ZNF106: variants seen among roughly 807,000 people sequenced by gnomAD.
ZNF106 encodes the protein SH3-domain binding protein 3.
ZNF106 carries 67 observed loss-of-function variants against 195.1 expected under a neutral mutation model. That is an observed-to-expected ratio of 0.34 (90% CI 0.28 to 0.42). ZNF106 has a LOEUF of 0.42. Among genes scored for constraint, ZNF106 ranks in the 10% least tolerant of loss-of-function variants. The pLI, the probability that ZNF106 is intolerant of heterozygous loss-of-function variation, is 1.00. For synonymous variants in ZNF106, 784 were observed against 818.6 expected (o/e 0.96, Z 0.72); for missense variants, 2,118 against 2,304.5 (o/e 0.92, Z 1.66).
chr15:42,454,756 C>T (rs28548127), intron 4 of ZNF106, among the ~76,000 whole-genome samples: 2,598 of 151,420 alleles, frequency 0.017, 31 homozygotes, highest in Middle Eastern at 0.034. Context: ...ATTAGCCACG[C>T]ATGGTGGCGA....
chr15:42,438,565 G>T, intron 12 of ZNF106, 47 bp downstream of exon 12: 1 of 1,521,880 alleles, frequency 6.6e-7, no homozygotes, highest in Non-Finnish European at 9.1e-7. Context: ...ATATTTACAA[G>T]GCTTTTAATT....
intron 3 of ZNF106, among the ~76,000 whole-genome samples, chr15:42,461,308 A>G (rs1002137611): frequency 2.6e-5 from 4 of 152,264 alleles, no homozygotes; most frequent in Admixed American, 6.5e-5. Context: ...GTGAATAAAT[A>G]AAATAATCAC....
intron 1 of ZNF106, among the ~76,000 whole-genome samples, chr15:42,479,234 C>A (rs2056849413): frequency 1.3e-5 from 2 of 151,874 alleles, no homozygotes; most frequent in South Asian, 4.2e-4. Context: ...ATTAGCTGGG[C>A]ATGGTGGTGG....
At chr15:42,460,478 T>A (rs1265775985) in intron 3 of ZNF106, among the ~76,000 whole-genome samples, 1 of 152,196 alleles carries the variant, frequency 6.6e-6, no homozygotes, top group Non-Finnish European at 1.5e-5. Flanking sequence ...TTTGCAATCC[T>A]AGTGAGAAAG....
At chr15:42,489,119 A>C (rs1386996573) in intron 1 of ZNF106, among the ~76,000 whole-genome samples, 10 of 146,584 alleles carry the variant, frequency 6.8e-5, no homozygotes, top group Admixed American at 1.4e-4. Context: ...CACACACACA[A>C]TAGGTTCTGA....
At chr15:42,424,230 CT>C in intron 16 of ZNF106, 170 bp from the exon 17 acceptor site, 1 of 585,830 alleles carries the variant, frequency 1.7e-6, no homozygotes, top group Non-Finnish European at 3.0e-6. Flanking sequence ...TTACACCCCC[CT>C]ACCAAGCATG....
At chr15:42,454,347 TC>T (rs2056156838) in intron 4 of ZNF106, among the ~76,000 whole-genome samples, 1 of 152,120 alleles carries the variant, frequency 6.6e-6, no homozygotes, top group Non-Finnish European at 1.5e-5. Context: ...ATTGCCTTTA[TC>T]TTTTGATTCT....
rs755831867 is a variant in ZNF106 at position 42,435,369 on chromosome 15, T to C, written c.4881+15A>G. 2 of 1,614,042 alleles carry C rather than the reference T, an allele frequency of 1.2e-6. No individual in the cohort carries two copies. The highest frequency in any genetic ancestry group is 1.3e-5 in the African/African-American group (1 of 74,922). On this transcript the variant is annotated intron_variant, in intron 14 of 21. Coordinates refer to ENST00000564754, the MANE Select transcript of ZNF106 (RefSeq NM_001366845.3). ...CTCAATATGAACCACTTTGGATTTC[T>C]CTGGACCCACCTACCTTAACATTAT... is the stretch of plus-strand genomic sequence containing the variant.
chr15:42,465,846 C>G (rs1567026580), intron 3 of ZNF106, among the ~76,000 whole-genome samples: 1 of 152,234 alleles, frequency 6.6e-6, no homozygotes, highest in Non-Finnish European at 1.5e-5. Context: ...GCTGTGAATT[C>G]ACACATTTGA....
chr15:42,435,440 T>C lies in ZNF106; in HGVS notation c.4825A>G (p.Asn1609Asp), dbSNP rs1436847498. The change falls in exon 14 of 22, where the codon AAT (asparagine) becomes GAT (aspartate). Residue 1609 changes from asparagine (N) to aspartate (D), a missense_variant. Asn to Asp is a conservative substitution (Grantham distance 23). Transcript: ENST00000564754. ...CTGGACCCGGTGTAAAGGGCAGCAT[T>C]CTTCCCGGAGGTCTGAGTAACCAGG... ...CLLVTQTSGK[N>D]AALYTGSSDH... 1.2e-6 allele frequency: 2 copies of C among 1,614,194 alleles called. No homozygotes were observed. The highest frequency in any genetic ancestry group is 2.2e-5 in the East Asian group (1 of 44,890).
chr15:42,457,448 A>G, intron 3 of ZNF106: 1 of 1,277,954 alleles, frequency 7.8e-7, no homozygotes, highest in Non-Finnish European at 9.9e-7. Context: ...TTGTCAGAGG[A>G]AACATGGTGA....
At chr15:42,465,831 G>A (rs545558026) in intron 3 of ZNF106, among the ~76,000 whole-genome samples, 1 of 152,336 alleles carries the variant, frequency 6.6e-6, no homozygotes, top group Admixed American at 6.5e-5. Context: ...CTACTTGATA[G>A]GGCTGCTGTG....
In ZNF106 at chr15:42,442,115, T is replaced by A; in HGVS notation, c.3721A>T (p.Ser1241Cys). The A allele has an allele frequency of 6.2e-7, 1 of 1,613,962 alleles. No individual in the cohort carries two copies. The change falls in exon 10 of 22, where the codon AGC becomes TGC. Residue 1241 changes from serine to cysteine, a missense_variant. Transcript: ENST00000564754. The part of the protein sequence containing the change: ...QDENVNAVPP[S>C]SACNVSKELL... ...TCCTTGGACACATTGCAGGCAGAGC[T>A]TGGTGGCACAGCATTCACATTCTCA...
At chr15:42,456,841 A>C in intron 4 of ZNF106, 117 bp downstream of exon 4, 1 of 945,932 alleles carries the variant, frequency 1.1e-6, no homozygotes, top group Non-Finnish European at 1.6e-6. Context: ...CAACAACCTC[A>C]AGCTAAACTT....
intron 5 of ZNF106, 37 bp downstream of exon 5, chr15:42,449,734 A>G (rs2055912145): frequency 1.3e-6 from 2 of 1,565,514 alleles, no homozygotes; most frequent in South Asian, 2.4e-5. Flanking sequence ...TTTAAAAGAA[A>G]GTGAGGAAAA....
Position 42,451,612 on chromosome 15 carries a change from A to G in ZNF106, c.660T>C (p.Asn220=), listed in dbSNP as rs781476360. The stretch of plus-strand genomic sequence containing the variant: ...GCCAACTGGAATTCCTTCCTGTACC[A>G]TTATGATTCCAATCTACTGCTCCAC... ...SNSGAVDWNH[N]GTGRNSSWLS... Residue 220 remains asparagine, a synonymous_variant, in exon 5 of 22, where the codon AAT becomes AAC. Coordinates refer to ENST00000564754, the MANE Select transcript of ZNF106 (RefSeq NM_001366845.3). 1.2e-6 allele frequency: 2 copies of G among 1,614,178 alleles called. No homozygotes were observed. Among genetic ancestry groups the G allele is most frequent in the Non-Finnish European group, 1.7e-6 (2 of 1,180,038 alleles).
At chr15:42,440,085 G>C (rs1036700613) in intron 10 of ZNF106, among the ~76,000 whole-genome samples, 1 of 152,020 alleles carries the variant, frequency 6.6e-6, no homozygotes, top group Non-Finnish European at 1.5e-5. Context: ...CTTTTTTCTT[G>C]TTTTAAATGT....
chr15:42,418,532 A>ATTTTTTTTTTTTTTTTTTTTTT (rs1162999546), intron 20 of ZNF106, among the ~76,000 whole-genome samples: 3 of 96,246 alleles, frequency 3.1e-5, no homozygotes, highest in African/African-American at 1.3e-4. Flanking sequence ...CGGCCAGTTA[A>ATTTTTTTTTTTTTTTTTTTTTT]TTTTTTTTTT....
intron 15 of ZNF106, among the ~76,000 whole-genome samples, chr15:42,426,826 T>C (rs1246556047): frequency 2.0e-5 from 3 of 152,244 alleles, no homozygotes; most frequent in Non-Finnish European, 4.4e-5. Context: ...TCCAATTTAA[T>C]CAGACTTAGA....
Sources: gnomAD v4.1 joint callset for allele counts (sites outside exome capture counted in the v4.1 genomes callset) on GRCh38, gnomAD v4.1.1 for gene constraint, MANE v1.5 for transcripts, NCBI Gene and HGNC (gene_info 2026-07-23, HGNC 2026-07-21) for gene names.